Variants in LIN9 observed in about 807,000 individuals in gnomAD.
The protein encoded by LIN9 is protein lin-9 homolog.
LIN9 carries 18 observed loss-of-function variants against 78.0 expected under a neutral mutation model. The ratio of observed to expected loss-of-function variants is 0.23; its 90% CI spans 0.16 to 0.34. LIN9 has a LOEUF of 0.34. Ranked by LOEUF, LIN9 falls within the 10% of genes least tolerant of loss-of-function variation. The pLI is 1.00. For synonymous variants in LIN9, 192 were observed against 215.2 expected, an observed-to-expected ratio of 0.89 and a Z score of 0.94; for missense variants, 451 against 644.1, an observed-to-expected ratio of 0.70 and a Z score of 3.25.
intron 3 of LIN9, among the ~76,000 whole-genome samples, chr1:226,297,360 TTC>T (rs1662219763): frequency 6.6e-6 from 1 of 152,212 alleles, no homozygotes; most frequent in Non-Finnish European, 1.5e-5. Flanking sequence ...ACACAATGAT[TTC>T]TTTTTTTTTC....
At chr1:226,244,165 C>T (rs1658307830) in intron 11 of LIN9, among the ~76,000 whole-genome samples, 5 of 148,966 alleles carry the variant, frequency 3.4e-5, no homozygotes, top group South Asian at 4.5e-4. Context: ...CGTGAGCCAC[C>T]GTGCCTGGCC....
intron 3 of LIN9, 71 bp downstream of exon 3, chr1:226,297,648 T>C (rs1662239691): frequency 1.9e-6 from 2 of 1,065,118 alleles, no homozygotes; most frequent in Non-Finnish European, 2.7e-6. Flanking sequence ...GCTGCAAGAA[T>C]TTACACATGA....
chr1:226,277,675 G>C, intron 7 of LIN9, 100 bp downstream of exon 7: 1 of 1,030,530 alleles, frequency 9.7e-7, no homozygotes, highest in South Asian at 1.6e-5. Flanking sequence ...AATATTTCTT[G>C]GTAATTAAAA....
intron 10 of LIN9, among the ~76,000 whole-genome samples, chr1:226,264,360 G>C (rs1484440003): frequency 6.6e-6 from 1 of 152,086 alleles, no homozygotes; most frequent in Non-Finnish European, 1.5e-5. Flanking sequence ...CTGGGAGACA[G>C]AGTGAGACTC....
At position 226,306,225 on chromosome 1, in the gene LIN9, C is replaced by T. The variant is rs568211083; in HGVS notation, c.31+2884G>A. 2.6e-3 allele frequency among the ~76,000 whole-genome samples: 401 copies of T among 151,554 alleles called. 1 individual carries two copies. The highest frequency in any genetic ancestry group is 9.2e-3 in the African/African-American group (379 of 41,270). On this transcript the variant is annotated intron_variant, in intron 1 of 14. Coordinates refer to ENST00000681046, the MANE Select transcript of LIN9 (RefSeq NM_001366245.2). ...CTGTAAACCCAGCTACTCAGGAGGCCGAGGCAGGAGAATGGCTTGAACCCG... is the reference window on the plus strand; with the variant it reads ...CTGTAAACCCAGCTACTCAGGAGGCTGAGGCAGGAGAATGGCTTGAACCCG...
At chr1:226,270,535 A>G (rs1194470605) in intron 7 of LIN9, among the ~76,000 whole-genome samples, 1 of 152,108 alleles carries the variant, frequency 6.6e-6, no homozygotes, top group Non-Finnish European at 1.5e-5. Flanking sequence ...GCTGTTATAA[A>G]TATGTTCAAA....
At position 226,254,964 on chromosome 1, in the gene LIN9, T is replaced by C. The variant is rs556694663; in HGVS notation, c.1039-4045A>G. ...GACACTTCTTAGATCTCTAAGAAAA[T>C]TGAGGGCCAAGGCAAACTGTTCACA... is the stretch of plus-strand genomic sequence containing the variant. On this transcript the variant is annotated intron_variant, in intron 10 of 14. Transcript: ENST00000681046. 8.7e-5 allele frequency among the ~76,000 whole-genome samples: 12 copies of C among 138,218 alleles called. No individual in the cohort carries two copies. In the East Asian group the frequency reaches 1.5e-3, roughly 17 times the overall value. 90.7% of individuals were successfully genotyped at this position (138,218 alleles called of 152,430 possible). A position where few individuals can be genotyped will look rare whatever the true frequency, so the allele number is the denominator to read the frequency against.
chr1:226,250,750 C>T (rs1222863214), intron 11 of LIN9, 89 bp downstream of exon 11: 3 of 680,746 alleles, frequency 4.4e-6, no homozygotes, highest in East Asian at 2.8e-5. Context: ...GGTTTCCTTC[C>T]ATAGATATTT....
At chr1:226,233,057 C>CTTCACA in intron 14 of LIN9, 39 bp downstream of exon 14, 2 of 1,223,166 alleles carry the variant, frequency 1.6e-6, no homozygotes, top group Non-Finnish European at 2.3e-6. Flanking sequence ...TTACTATGAA[C>CTTCACA]TTCACATTAA....
chr1:226,303,881 T>C (rs999060920), intron 1 of LIN9, among the ~76,000 whole-genome samples: 1 of 152,222 alleles, frequency 6.6e-6, no homozygotes, highest in African/African-American at 2.4e-5. Flanking sequence ...GCTGGGATTA[T>C]AGGCGTGAGC....
chr1:226,258,321 T>G (rs533102836), intron 10 of LIN9, among the ~76,000 whole-genome samples: 158 of 150,100 alleles, frequency 1.1e-3, no homozygotes, highest in Non-Finnish European at 1.6e-3. Flanking sequence ...GCCAACATGG[T>G]GAAAACCTGT....
At chr1:226,250,304 GACTT>G (rs1450990745) in intron 11 of LIN9, among the ~76,000 whole-genome samples, 1 of 151,994 alleles carries the variant, frequency 6.6e-6, no homozygotes, top group African/African-American at 2.4e-5. Flanking sequence ...GATATTTCCT[GACTT>G]ACTTATTCTG....
At chr1:226,241,428 G>C (rs980774837) in intron 11 of LIN9, among the ~76,000 whole-genome samples, 3 of 152,084 alleles carry the variant, frequency 2.0e-5, no homozygotes, top group Admixed American at 1.3e-4. Context: ...CTCTTACAGC[G>C]AATTTGAGGG....
chr1:226,240,155 G>A (rs1357320757), intron 11 of LIN9, among the ~76,000 whole-genome samples: 2 of 152,174 alleles, frequency 1.3e-5, no homozygotes, highest in African/African-American at 4.8e-5. Context: ...TGACTTAACA[G>A]CACACACTAT....
chr1:226,231,978 A>G lies in LIN9; in HGVS notation c.*523T>C, dbSNP rs978352221. On this transcript the variant is annotated 3_prime_UTR_variant, in exon 15 of 15. Transcript: ENST00000681046. ...CTTGTAAAGTCCACATTTCCCATCT[A>G]TATTTCAGTGGTTTCCTTAAAACTA... 1.5e-5 allele frequency: 6 copies of G among 395,702 alleles called. No individual in the cohort carries two copies. Among genetic ancestry groups the G allele is most frequent in the Non-Finnish European group, 2.2e-5 (5 of 224,476 alleles). 24.5% of individuals were successfully genotyped at this position (395,702 alleles called of 1,614,324 possible).
Position 226,244,416 on chromosome 1 carries a change from A to G in LIN9, c.1120-5320T>C, listed in dbSNP as rs184648508. Among the ~76,000 whole-genome samples the G allele has an allele frequency of 6.7e-3, 1,019 of 152,258 alleles. 14 individuals carry two copies. The highest frequency in any genetic ancestry group is 0.023 in the African/African-American group (970 of 41,586). Reference sequence around the variant, plus strand: ...CTCTCCACTCCAGCCTGGGTGACAAAGCAAGACTCCGTCTCAAAAAATAAA... The same window carrying G: ...CTCTCCACTCCAGCCTGGGTGACAAGGCAAGACTCCGTCTCAAAAAATAAA... On this transcript the variant is annotated intron_variant, in intron 11 of 14. Coordinates refer to ENST00000681046, the MANE Select transcript of LIN9 (RefSeq NM_001366245.2).
At chr1:226,240,319 T>C (rs966642205) in intron 11 of LIN9, among the ~76,000 whole-genome samples, 1 of 151,798 alleles carries the variant, frequency 6.6e-6, no homozygotes, top group African/African-American at 2.4e-5. Flanking sequence ...CCTGAAGCCA[T>C]CCTCCTGCCT....
chr1:226,268,281 T>C (rs1660056077), intron 7 of LIN9, among the ~76,000 whole-genome samples, 191 bp from the exon 8 acceptor site: 1 of 152,108 alleles, frequency 6.6e-6, no homozygotes, highest in Non-Finnish European at 1.5e-5. Context: ...AAACTATAAA[T>C]GATGATCCCT....
rs1341582388 is a variant in LIN9 at position 226,251,694 on chromosome 1, C to G, written c.1039-775G>C. On this transcript the variant is annotated intron_variant, in intron 10 of 14. Transcript: ENST00000681046. ...ACTGTATTTTATATATCTGATTAAA[C>G]CGACAAGCAAATATTATTTTAAAAA... Among the ~76,000 whole-genome samples the G allele has an allele frequency of 2.6e-5, 4 of 152,178 alleles. No homozygotes were observed. In the East Asian group the frequency reaches 7.7e-4, roughly 29 times the overall value.
Sources: allele counts gnomAD v4.1 joint callset (sites outside exome capture counted in the v4.1 genomes callset), GRCh38; gene constraint gnomAD v4.1.1; transcripts MANE v1.5; gene names NCBI Gene and HGNC (gene_info 2026-07-23, HGNC 2026-07-21).